The following ANKRD62 variants were observed in gnomAD, a reference collection of about 807,000 sequenced individuals.
The protein encoded by ANKRD62 is ankyrin repeat domain 62.
ANKRD62 carries 61 observed loss-of-function variants against 98.8 expected under a neutral mutation model. The observed-to-expected ratio is 0.62, with a 90% confidence interval of 0.50 to 0.76. The LOEUF is 0.76. Ranked by LOEUF, ANKRD62 falls within the 30% of genes least tolerant of loss-of-function variation. ANKRD62 has a pLI of 0.00. For synonymous variants in ANKRD62, 341 were observed against 367.9 expected (o/e 0.93, Z 0.84); for missense variants, 933 against 1,082.9 (o/e 0.86, Z 1.94).
At chr18:12,172,915 G>A in the ANKRD62 span, among the ~76,000 whole-genome samples, 1 of 152,204 alleles carries the variant, frequency 6.6e-6, no homozygotes, top group Non-Finnish European at 1.5e-5. Context: ...GCCATGCATG[G>A]GATATAATTT....
At chr18:12,162,236 C>A in the ANKRD62 span, among the ~76,000 whole-genome samples, 31,647 of 152,092 alleles carry the variant, frequency 0.21, 4,252 homozygotes, top group East Asian at 0.54. Context: ...GATGATATCT[C>A]ACTGTAGTTT....
chr18:12,113,370 G>A (rs917259994), intron 8 of ANKRD62, among the ~76,000 whole-genome samples: 2 of 152,178 alleles, frequency 1.3e-5, no homozygotes, highest in Admixed American at 1.3e-4. Context: ...GCTCACGCCT[G>A]TAATCCCACC....
Position 12,099,700 on chromosome 18 carries a change from G to T in ANKRD62, c.820+18G>T. 1 of 1,397,806 alleles carries T rather than the reference G, an allele frequency of 7.2e-7. No homozygotes were observed. Among genetic ancestry groups the T allele is most frequent in the South Asian group, 1.5e-5 (1 of 65,162 alleles). 86.6% of individuals were successfully genotyped at this position (1,397,806 alleles called of 1,614,324 possible). A position where few individuals can be genotyped will look rare whatever the true frequency, so the allele number is the denominator to read the frequency against. ...CAATTCAGGTATGACTTCTGATAGT[G>T]AATTCCTCTCGATGGTCCTGTCATA... On this transcript the variant is annotated intron_variant, in intron 6 of 13. Transcript: ENST00000587848.
chr18:12,138,062 C>T, the ANKRD62 span, among the ~76,000 whole-genome samples: 1,451 of 151,764 alleles, frequency 9.6e-3, 17 homozygotes, highest in African/African-American at 0.034. Context: ...CTGCTCTGAT[C>T]TTAGTTATTT....
At chr18:12,118,365 T>C (rs1208451536) in intron 10 of ANKRD62, among the ~76,000 whole-genome samples, 1 of 152,076 alleles carries the variant, frequency 6.6e-6, no homozygotes, top group African/African-American at 2.4e-5. Context: ...CCCAGCACTT[T>C]TGGGAGGCCA....
intron 1 of ANKRD62, 59 bp downstream of exon 1, chr18:12,094,294 G>A: frequency 7.1e-7 from 1 of 1,405,232 alleles, no homozygotes; most frequent in Non-Finnish European, 9.3e-7. Context: ...CCCTGTTCCT[G>A]GTTTCGGGGT....
the ANKRD62 span, among the ~76,000 whole-genome samples, chr18:12,140,631 G>A: frequency 6.6e-6 from 1 of 152,178 alleles, no homozygotes; most frequent in African/African-American, 2.4e-5. Context: ...CTGTTTGCCT[G>A]GGTATCAGCA....
the ANKRD62 span, among the ~76,000 whole-genome samples, chr18:12,146,196 T>C: frequency 6.6e-6 from 1 of 151,910 alleles, no homozygotes; most frequent in Non-Finnish European, 1.5e-5. Context: ...TGGATCCTGT[T>C]TCTCCTGACT....
At chr18:12,180,813 C>CT in the ANKRD62 span, among the ~76,000 whole-genome samples, 1 of 150,140 alleles carries the variant, frequency 6.7e-6, no homozygotes, top group South Asian at 2.1e-4. Flanking sequence ...TTTTTTTATA[C>CT]TTTAAGTTTT....
the ANKRD62 span, among the ~76,000 whole-genome samples, chr18:12,166,994 A>G: frequency 1.1e-4 from 17 of 151,232 alleles, no homozygotes; most frequent in East Asian, 2.9e-3. Flanking sequence ...TGTCCTTGCA[A>G]TAGTTTGCTC....
At chr18:12,102,806 A>G (rs1909333227) in intron 6 of ANKRD62, 9 of 974,272 alleles carry the variant, frequency 9.2e-6, no homozygotes, top group Non-Finnish European at 1.1e-5. Context: ...TAGGAAGTAA[A>G]GAACAATATG....
At chr18:12,169,268 TTATCATAGA>T in the ANKRD62 span, among the ~76,000 whole-genome samples, 4 of 152,330 alleles carry the variant, frequency 2.6e-5, no homozygotes, top group South Asian at 8.3e-4. Context: ...GGCTGTGGGT[TTATCATAGA>T]TAGCTCTTAT....
chr18:12,139,507 G>C, the ANKRD62 span, among the ~76,000 whole-genome samples: 13 of 152,048 alleles, frequency 8.5e-5, no homozygotes, highest in African/African-American at 3.1e-4. Flanking sequence ...TGAGCCGGAC[G>C]TGGTGGCAGG....
At chr18:12,118,194 C>T (rs1011226754) in intron 10 of ANKRD62, among the ~76,000 whole-genome samples, 1 of 152,196 alleles carries the variant, frequency 6.6e-6, no homozygotes. Flanking sequence ...TAAAAATCCT[C>T]AGTACTCTGC....
chr18:12,181,370 A>T, the ANKRD62 span, among the ~76,000 whole-genome samples: 1 of 152,262 alleles, frequency 6.6e-6, no homozygotes, highest in Non-Finnish European at 1.5e-5. Flanking sequence ...ATGGAATAAC[A>T]TTCACCATAT....
intron 8 of ANKRD62, among the ~76,000 whole-genome samples, chr18:12,112,145 C>G (rs1274679717): frequency 6.7e-6 from 1 of 150,148 alleles, no homozygotes; most frequent in African/African-American, 2.4e-5. Context: ...TCATACTGCC[C>G]AAAGCATTTC....
the ANKRD62 span, among the ~76,000 whole-genome samples, chr18:12,152,810 A>G: frequency 6.6e-6 from 1 of 152,176 alleles, no homozygotes; most frequent in Non-Finnish European, 1.5e-5. Flanking sequence ...AGACAGCATT[A>G]TTCTATCTTT....
At chr18:12,155,673 T>C in the ANKRD62 span, among the ~76,000 whole-genome samples, 2 of 152,166 alleles carry the variant, frequency 1.3e-5, no homozygotes, top group South Asian at 4.1e-4. Flanking sequence ...GATAATCTCT[T>C]AGAGCCATTT....
the ANKRD62 span, among the ~76,000 whole-genome samples, chr18:12,166,212 T>C: frequency 6.6e-6 from 1 of 152,152 alleles, no homozygotes; most frequent in African/African-American, 2.4e-5. Context: ...ATATTATTCT[T>C]TTGAATAAAC....
Sources: allele counts gnomAD v4.1 joint callset (sites outside exome capture counted in the v4.1 genomes callset), GRCh38; gene constraint gnomAD v4.1.1; transcripts MANE v1.5; gene names NCBI Gene and HGNC (gene_info 2026-07-23, HGNC 2026-07-21).